SLC44A1: variants seen among roughly 807,000 people sequenced by gnomAD.
The protein encoded by SLC44A1 is solute carrier family 44 member 1, also known as choline transporter-like protein 1.
In SLC44A1, 26 loss-of-function variants were observed where a neutral mutation model predicts 79.3. The ratio of observed to expected loss-of-function variants is 0.33; its 90% CI spans 0.24 to 0.46. The LOEUF is 0.46. SLC44A1 is among the 20% of genes least tolerant of loss of function. The pLI is 1.00. For missense variants in SLC44A1, 688 were observed against 798.1 expected (o/e 0.86, Z 1.66); for synonymous variants, 263 against 286.2 (o/e 0.92, Z 0.82).
intron 15 of SLC44A1, among the ~76,000 whole-genome samples, chr9:105,423,421 GC>G (rs1289770210): frequency 6.6e-6 from 1 of 152,124 alleles, no homozygotes; most frequent in Non-Finnish European, 1.5e-5. Context: ...AGCCGAGATT[GC>G]CCCATTGCAC....
Position 105,396,112 on chromosome 9 carries a change from T to A in SLC44A1, c.*7056T>A. 1 of 985,406 alleles carries A rather than the reference T, an allele frequency of 1.0e-6. No homozygotes were observed. Among genetic ancestry groups the A allele is most frequent in the Non-Finnish European group, 1.2e-6 (1 of 829,936 alleles). The allele number at this position is 985,406 out of a possible 1,614,324, so 61.0% of individuals were successfully genotyped here. A position where few individuals can be genotyped will look rare whatever the true frequency, so the allele number is the denominator to read the frequency against. On this transcript the variant is annotated 3_prime_UTR_variant, in exon 16 of 16. Transcript: ENST00000374720. ...AGATGATCACATGGGGACAGTTAAC[T>A]TTTCTTCTGCTGTGTTGCCTTAATG...
chr9:105,285,649 G>A (rs989830516), intron 1 of SLC44A1, among the ~76,000 whole-genome samples: 2 of 152,194 alleles, frequency 1.3e-5, no homozygotes, highest in East Asian at 1.9e-4. Context: ...AACGTTTTGC[G>A]GGCAGTGGGT....
At position 105,318,173 on chromosome 9, in the gene SLC44A1, A is replaced by G. The variant is rs115416711; in HGVS notation, c.269+8307A>G. Among the ~76,000 whole-genome samples, 511 of 152,238 alleles carry G rather than the reference A, an allele frequency of 3.4e-3. 1 individual carries two copies. Among genetic ancestry groups the G allele is most frequent in the African/African-American group, 0.012 (489 of 41,564 alleles). Reference sequence around the variant, plus strand: ...TGAAAACTTATTGTATTATTTATACAGGTTTTTTTGTTTGTTTGTTTTTTG... The same window carrying G: ...TGAAAACTTATTGTATTATTTATACGGGTTTTTTTGTTTGTTTGTTTTTTG... On this transcript the variant is annotated intron_variant, in intron 3 of 15. Transcript: ENST00000374720.
intron 1 of SLC44A1, among the ~76,000 whole-genome samples, chr9:105,245,657 T>C (rs1829422925): frequency 6.6e-6 from 1 of 152,220 alleles, no homozygotes; most frequent in African/African-American, 2.4e-5. Flanking sequence ...CCCTCTTTGT[T>C]GCCAGTGTAA....
In SLC44A1 at chr9:105,381,649, A is replaced by G. The variant is rs547889016; in HGVS notation, c.1633-1474A>G. On this transcript the variant is annotated intron_variant, in intron 13 of 15. Transcript: ENST00000374720. ...AGAAAAAAAATGGAAGTAATTAACC[A>G]TCTATGGAAATAACCCCAGAAAATA... Among the ~76,000 whole-genome samples, 28 of 152,148 alleles carry G rather than the reference A, an allele frequency of 1.8e-4. No homozygotes were observed. In the South Asian group the frequency reaches 5.6e-3, roughly 30 times the overall value.
intron 3 of SLC44A1, among the ~76,000 whole-genome samples, chr9:105,322,282 T>C (rs1276462084): frequency 1.3e-5 from 2 of 152,232 alleles, no homozygotes; most frequent in Non-Finnish European, 2.9e-5. Flanking sequence ...CTTTGGACTT[T>C]ACGTGTGTGT....
At chr9:105,432,773 G>A (rs10115811) in intron 15 of SLC44A1, among the ~76,000 whole-genome samples, 6,257 of 152,256 alleles carry the variant, frequency 0.041, 413 homozygotes, top group African/African-American at 0.14. Context: ...ATTACAGCAA[G>A]CTCAGAAAGA....
chr9:105,327,904 TAAG>T (rs1194669380), intron 3 of SLC44A1, among the ~76,000 whole-genome samples: 2 of 152,228 alleles, frequency 1.3e-5, no homozygotes, highest in East Asian at 3.9e-4. Context: ...TTGTGAACAC[TAAG>T]AAGGGAGACA....
intron 4 of SLC44A1, among the ~76,000 whole-genome samples, chr9:105,345,619 A>G (rs1266477903): frequency 6.6e-6 from 1 of 152,080 alleles, no homozygotes; most frequent in African/African-American, 2.4e-5. Flanking sequence ...TGATGGAAAC[A>G]TACCTCTTAG....
chr9:105,252,885 T>A lies in SLC44A1; in HGVS notation c.36+7981T>A, dbSNP rs548130651. Reference sequence around the variant, plus strand: ...AATGTTCCAATTTTGAATTTATGCATTGTGTAAAATTTAGTAATTTTTTTG... The same window carrying A: ...AATGTTCCAATTTTGAATTTATGCAATGTGTAAAATTTAGTAATTTTTTTG... On this transcript the variant is annotated intron_variant, in intron 1 of 15. Transcript: ENST00000374720. 3.0e-4 allele frequency among the ~76,000 whole-genome samples: 46 copies of A among 152,350 alleles called. 1 individual carries two copies. The South Asian group carries it at 9.5e-3, about 32-fold the overall frequency.
intron 15 of SLC44A1, among the ~76,000 whole-genome samples, chr9:105,435,235 C>T (rs1333733790): frequency 6.6e-6 from 1 of 151,280 alleles, no homozygotes; most frequent in Non-Finnish European, 1.5e-5. Flanking sequence ...AAAAGGACAT[C>T]AGAGAAAATT....
intron 15 of SLC44A1, among the ~76,000 whole-genome samples, chr9:105,387,060 A>AAAAATAT (rs34780893): frequency 1.3e-4 from 1 of 7,714 alleles, no homozygotes; most frequent in African/African-American, 4.1e-4. Context: ...AAAAAAAAAA[A>AAAAATAT]ATATATATAT....
At position 105,390,468 on chromosome 9, in the gene SLC44A1, A is replaced by G; in HGVS notation, c.*1412A>G. ...AAAAAAAAAGCCTCAGCATTTTATC[A>G]TTCCATGGAAGGAGAATCTTTTGAA... On this transcript the variant is annotated 3_prime_UTR_variant, in exon 16 of 16. Coordinates refer to ENST00000374720, the MANE Select transcript of SLC44A1 (RefSeq NM_080546.5). The G allele has an allele frequency of 1.0e-6, 1 of 978,360 alleles. No homozygotes were observed. The highest frequency in any genetic ancestry group is 1.2e-6 in the Non-Finnish European group (1 of 827,162). 60.6% of individuals were successfully genotyped at this position (978,360 alleles called of 1,614,324 possible). A position where few individuals can be genotyped will look rare whatever the true frequency, so the allele number is the denominator to read the frequency against.
intron 15 of SLC44A1, among the ~76,000 whole-genome samples, chr9:105,408,073 G>A (rs1829050879): frequency 6.6e-6 from 1 of 152,144 alleles, no homozygotes; most frequent in South Asian, 2.1e-4. Context: ...AGAATTGCTT[G>A]AACCTGGGAG....
In SLC44A1 at chr9:105,394,420, T is replaced by TGC. The variant is rs1828831841; in HGVS notation, c.*5365_*5366insCG. On this transcript the variant is annotated 3_prime_UTR_variant, in exon 16 of 16. Coordinates refer to ENST00000374720, the MANE Select transcript of SLC44A1 (RefSeq NM_080546.5). ...TTCCTTGGAGGTATGAGGGTGTGTA[T>TGC]GTGTGTGTGTGTGTGTGTGTGTTTG... 1.3e-6 allele frequency: 1 copy of TGC among 783,488 alleles called. No individual in the cohort carries two copies. The highest frequency in any genetic ancestry group is 2.6e-4 in the East Asian group (1 of 3,906). 48.5% of individuals were successfully genotyped at this position (783,488 alleles called of 1,614,324 possible).
At chr9:105,343,200 G>T (rs1827152421) in intron 4 of SLC44A1, among the ~76,000 whole-genome samples, 1 of 151,960 alleles carries the variant, frequency 6.6e-6, no homozygotes, top group Non-Finnish European at 1.5e-5. Flanking sequence ...CCCATTTATA[G>T]TATGTGGAAA....
chr9:105,379,618 C>T (rs1828400599), intron 13 of SLC44A1, among the ~76,000 whole-genome samples: 1 of 152,092 alleles, frequency 6.6e-6, no homozygotes, highest in Admixed American at 6.5e-5. Context: ...TTATGGGTTC[C>T]ATTTCTATGG....
In SLC44A1 at chr9:105,383,328, G is replaced by GCA. The variant is rs750976274; in HGVS notation, c.1839_1840dup (p.Arg614ThrfsTer10). 1 of 1,611,346 alleles carries GCA rather than the reference G, an allele frequency of 6.2e-7. No homozygotes were observed. Among genetic ancestry groups the GCA allele is most frequent in the Non-Finnish European group, 8.5e-7 (1 of 1,177,460 alleles). The stretch of plus-strand genomic sequence containing the variant: ...ACAAAATACAATGATGGGAGCCCTG[G>GCA]CAGAGAATTCTATATGGATAAAGTG... On this transcript the variant is annotated frameshift_variant, in exon 14 of 16. Coordinates refer to ENST00000374720, the MANE Select transcript of SLC44A1 (RefSeq NM_080546.5). LOFTEE classifies it high-confidence loss of function.
chr9:105,253,324 G>C (rs1829631288), intron 1 of SLC44A1, among the ~76,000 whole-genome samples: 1 of 152,194 alleles, frequency 6.6e-6, no homozygotes, highest in Non-Finnish European at 1.5e-5. Context: ...TATTTAAGTA[G>C]CAGGGAAGGT....
Sources: gnomAD v4.1 joint callset for allele counts (sites outside exome capture counted in the v4.1 genomes callset) on GRCh38, gnomAD v4.1.1 for gene constraint, MANE v1.5 for transcripts, NCBI Gene and HGNC (gene_info 2026-07-23, HGNC 2026-07-21) for gene names.